The following TIAM2 variants were observed in gnomAD, a reference collection of about 807,000 sequenced individuals.
TIAM2 encodes TIAM Rac1 associated GEF 2.
Under a neutral mutation model 152.9 loss-of-function variants are expected in TIAM2, and 80 were observed. The observed-to-expected ratio is 0.52, with a 90% CI of 0.44 to 0.63. TIAM2 has a LOEUF of 0.63. Among genes scored for constraint, TIAM2 ranks in the 30% least tolerant of loss-of-function variants. The pLI, the probability that TIAM2 is intolerant of heterozygous loss-of-function variation, is 0.00. For synonymous variants in TIAM2, 804 were observed against 838.0 expected (o/e 0.96, Z 0.70); for missense variants, 1,965 against 2,120.1 (o/e 0.93, Z 1.44).
At chr6:155,008,316 C>G (rs760299436) in intron 1 of TIAM2, among the ~76,000 whole-genome samples, 3 of 152,130 alleles carry the variant, frequency 2.0e-5, no homozygotes. Flanking sequence ...GTGGTTAGTC[C>G]GGATAGTGCC....
rs1052803073 is a variant in TIAM2 at position 155,057,115 on chromosome 6, GC to G, written c.-208-33168del. Among the ~76,000 whole-genome samples the G allele has an allele frequency of 1.5e-5, 2 of 130,846 alleles. 1 individual carries two copies. Among genetic ancestry groups the G allele is most frequent in the Non-Finnish European group, 3.1e-5 (2 of 64,918 alleles). The allele number at this position is 130,846 out of a possible 152,430, so 85.8% of individuals were successfully genotyped here. A position where few individuals can be genotyped will look rare whatever the true frequency, so the allele number is the denominator to read the frequency against. The stretch of plus-strand genomic sequence containing the variant: ...GCAATCTCGGTTCACTGCATCCTCT[GC>G]CCCCCAGGTTCAAGCGACCCTCTTA... On this transcript the variant is annotated intron_variant, in intron 1 of 26. Transcript: ENST00000682666.
chr6:155,093,633 T>A (rs1269268875), intron 2 of TIAM2, among the ~76,000 whole-genome samples: 3 of 152,228 alleles, frequency 2.0e-5, no homozygotes, highest in Non-Finnish European at 4.4e-5. Context: ...TGTGGAAAGA[T>A]GAGATGGTGC....
chr6:155,200,456 A>G (rs1781450142), intron 14 of TIAM2, among the ~76,000 whole-genome samples: 1 of 152,206 alleles, frequency 6.6e-6, no homozygotes, highest in Non-Finnish European at 1.5e-5. Flanking sequence ...CTTCTTTTTA[A>G]AAAATTGAAT....
intron 14 of TIAM2, among the ~76,000 whole-genome samples, chr6:155,202,511 T>G (rs1198042291): frequency 6.6e-6 from 1 of 151,950 alleles, no homozygotes; most frequent in South Asian, 2.1e-4. Flanking sequence ...CTCTACCTCC[T>G]GGGCTCAAGT....
chr6:155,172,686 A>ATTTTTTT (rs113165280), intron 9 of TIAM2, among the ~76,000 whole-genome samples: 8 of 19,620 alleles, frequency 4.1e-4, no homozygotes, highest in Admixed American at 3.3e-3. Context: ...ATATATATAT[A>ATTTTTTT]TTTTTTTTTT....
At chr6:155,250,051 T>G in intron 21 of TIAM2, 82 bp downstream of exon 21, 1 of 1,002,324 alleles carries the variant, frequency 1.0e-6, no homozygotes, top group East Asian at 2.4e-5. Context: ...GCTGCCCTGT[T>G]AGGACTTTCC....
Position 155,244,653 on chromosome 6 carries a change from CAT to C in TIAM2, c.3418-3_3418-2del. 9 of 1,613,758 alleles carry C rather than the reference CAT, an allele frequency of 5.6e-6. No individual in the cohort carries two copies. The highest frequency in any genetic ancestry group is 7.6e-6 in the Non-Finnish European group (9 of 1,179,806). On this transcript the variant is annotated splice_polypyrimidine_tract_variant and splice_region_variant and intron_variant, in intron 17 of 26. Coordinates refer to ENST00000682666, the MANE Select transcript of TIAM2 (RefSeq NM_012454.4). ...CCCTCATTTCAAATCCTGATCTTCA[CAT>C]AGATGGAGTCACTTTTTGGAAGTTT...
At chr6:155,207,406 C>T (rs569882926) in intron 14 of TIAM2, among the ~76,000 whole-genome samples, 5 of 152,194 alleles carry the variant, frequency 3.3e-5, no homozygotes, top group East Asian at 1.9e-4. Flanking sequence ...TCCTGTGCTC[C>T]GTCATGTCCA....
intron 15 of TIAM2, among the ~76,000 whole-genome samples, chr6:155,234,927 G>GCTA (rs1371524081): frequency 2.6e-5 from 4 of 152,224 alleles, no homozygotes; most frequent in Admixed American, 2.6e-4. Context: ...CCTGTGCTCT[G>GCTA]CTAAATACCT....
At chr6:155,137,138 C>T (rs1779573531) in intron 4 of TIAM2, 39 bp from the exon 5 acceptor site, 1 of 1,589,038 alleles carries the variant, frequency 6.3e-7, no homozygotes, top group Non-Finnish European at 8.6e-7. Flanking sequence ...CTTTGGATAG[C>T]CGTAAGCTCT....
intron 21 of TIAM2, 86 bp downstream of exon 21, chr6:155,250,055 A>G (rs1160571616): frequency 2.1e-6 from 2 of 935,472 alleles, no homozygotes; most frequent in South Asian, 1.7e-5. Flanking sequence ...CCCTGTTAGG[A>G]CTTTCCTGGA....
rs535815642 is a variant in TIAM2 at position 155,113,361 on chromosome 6, A to G, written c.-117-14129A>G. On this transcript the variant is annotated intron_variant, in intron 2 of 26. Transcript: ENST00000682666. ...AAATTGCAGCATCCTTCCCCTCTCCACGTTGCCTCCTCCCCCATTTCCTTC... is the reference window on the plus strand; with the variant it reads ...AAATTGCAGCATCCTTCCCCTCTCCGCGTTGCCTCCTCCCCCATTTCCTTC... Among the ~76,000 whole-genome samples the G allele has an allele frequency of 1.0e-3, 155 of 152,038 alleles. 3 individuals carry two copies. The highest frequency in any genetic ancestry group is 8.1e-3 in the South Asian group (39 of 4,804).
At chr6:155,026,217 G>T (rs1051196008) in intron 1 of TIAM2, among the ~76,000 whole-genome samples, 3 of 152,092 alleles carry the variant, frequency 2.0e-5, no homozygotes, top group African/African-American at 4.8e-5. Context: ...TAAGACCTGG[G>T]TAAGCTGTCA....
chr6:155,056,167 C>CTT (rs763205169), intron 1 of TIAM2, among the ~76,000 whole-genome samples: 1,316 of 98,572 alleles, frequency 0.013, 30 homozygotes, highest in African/African-American at 0.018. Context: ...TATTGTTCTT[C>CTT]TTTTTTTTTT....
chr6:155,185,364 C>A (rs987460712), intron 14 of TIAM2, among the ~76,000 whole-genome samples: 1 of 151,750 alleles, frequency 6.6e-6, no homozygotes, highest in Non-Finnish European at 1.5e-5. Flanking sequence ...TGACCTCAAG[C>A]GATCCACCCT....
intron 1 of TIAM2, among the ~76,000 whole-genome samples, chr6:155,017,152 A>T (rs1778605527): frequency 6.6e-6 from 1 of 152,182 alleles, no homozygotes. Context: ...ATTGAAAGGC[A>T]GTCTCCCGAG....
chr6:155,190,045 C>A (rs1781159134), intron 14 of TIAM2, among the ~76,000 whole-genome samples: 1 of 152,162 alleles, frequency 6.6e-6, no homozygotes, highest in African/African-American at 2.4e-5. Context: ...TTGTAGAAAA[C>A]CCTGAATTCC....
chr6:155,013,326 C>T (rs137951737), intron 1 of TIAM2, among the ~76,000 whole-genome samples: 76 of 152,126 alleles, frequency 5.0e-4, no homozygotes, highest in African/African-American at 1.7e-3. Context: ...CTCTGTATTC[C>T]GAGTTTGATG....
At chr6:155,232,425 G>C (rs887483275) in intron 15 of TIAM2, 2 of 152,214 alleles carry the variant, frequency 1.3e-5, no homozygotes, top group African/African-American at 4.8e-5. Context: ...AGTGCTCAGT[G>C]TATGAGAACG....
Sources: allele counts gnomAD v4.1 joint callset (sites outside exome capture counted in the v4.1 genomes callset), GRCh38; gene constraint gnomAD v4.1.1; transcripts MANE v1.5; gene names NCBI Gene and HGNC (gene_info 2026-07-23, HGNC 2026-07-21).